Variants in KLHL3 observed in about 807,000 individuals in gnomAD.
The protein encoded by KLHL3 is kelch-like protein 3.
Under a neutral mutation model 70.5 loss-of-function variants are expected in KLHL3, and 19 were observed. That is an observed-to-expected ratio of 0.27 (90% CI 0.19 to 0.40). The LOEUF is 0.40. Among genes scored for constraint, KLHL3 ranks in the 10% least tolerant of loss-of-function variants. The probability of loss-of-function intolerance (pLI) is 1.00; values close to 1 mark genes in which losing one functional copy is unlikely to be tolerated. For missense variants in KLHL3, 512 were observed against 771.1 expected (o/e 0.66, Z 3.98); for synonymous variants, 258 against 290.3 (o/e 0.89, Z 1.13).
intron 12 of KLHL3, among the ~76,000 whole-genome samples, chr5:137,630,738 C>A (rs892914369): frequency 5.3e-5 from 8 of 152,062 alleles, no homozygotes; most frequent in African/African-American, 1.9e-4. Context: ...AATTAGAGGC[C>A]AGAATAAGGG....
rs1351995457 is a variant in KLHL3 at position 137,720,500 on chromosome 5, C to A, written c.99G>T (p.Met33Ile). The change falls in exon 2 of 15, where the codon ATG (methionine) becomes ATT (isoleucine). Residue 33 changes from methionine to isoleucine, a missense_variant. Coordinates refer to ENST00000309755, the MANE Select transcript of KLHL3 (RefSeq NM_017415.3). Reference protein sequence around the residue: ...QRTITVNPAHMGKAFKVMNEL... With the variant: ...QRTITVNPAHIGKAFKVMNEL... Reference sequence around the variant, plus strand: ...CATTCATAACCTTGAATGCTTTCCCCATGTGGGCAGGGTTGACAGTGATCG... The same window carrying A: ...CATTCATAACCTTGAATGCTTTCCCAATGTGGGCAGGGTTGACAGTGATCG... The A allele has an allele frequency of 1.2e-6, 2 of 1,614,004 alleles. No individual in the cohort carries two copies. Among genetic ancestry groups the A allele is most frequent in the Non-Finnish European group, 1.7e-6 (2 of 1,180,010 alleles).
intron 8 of KLHL3, among the ~76,000 whole-genome samples, chr5:137,653,913 T>TA (rs1751274136): frequency 6.6e-6 from 1 of 152,212 alleles, no homozygotes; most frequent in Admixed American, 6.5e-5. Flanking sequence ...TACTTAGTGA[T>TA]AAAAAGGAAT....
chr5:137,674,330 G>T (rs536444846), intron 6 of KLHL3, among the ~76,000 whole-genome samples: 1 of 152,014 alleles, frequency 6.6e-6, no homozygotes, highest in Non-Finnish European at 1.5e-5. Context: ...ACTTGTATAC[G>T]GTACATACAT....
intron 6 of KLHL3, among the ~76,000 whole-genome samples, chr5:137,671,374 T>C (rs1354615599): frequency 6.6e-6 from 1 of 152,160 alleles, no homozygotes; most frequent in Non-Finnish European, 1.5e-5. Context: ...GAACTATAAT[T>C]ATAAGCAATT....
chr5:137,703,343 C>T (rs544028852), intron 3 of KLHL3, among the ~76,000 whole-genome samples: 3 of 152,248 alleles, frequency 2.0e-5, no homozygotes, highest in Admixed American at 6.5e-5. Flanking sequence ...GAACTTTCTT[C>T]CCCCCAACCC....
At chr5:137,635,560 T>C (rs1207013270) in intron 11 of KLHL3, among the ~76,000 whole-genome samples, 4 of 152,214 alleles carry the variant, frequency 2.6e-5, no homozygotes, top group Non-Finnish European at 1.5e-5. Flanking sequence ...TCATTCAAAC[T>C]GTATAGCCAT....
At chr5:137,733,867 T>A (rs1170113783) in intron 1 of KLHL3, among the ~76,000 whole-genome samples, 1 of 152,140 alleles carries the variant, frequency 6.6e-6, no homozygotes, top group African/African-American at 2.4e-5. Context: ...ACGCGTGGCA[T>A]GGTAAGCTGG....
chr5:137,706,508 G>T, intron 3 of KLHL3: 1 of 337,872 alleles, frequency 3.0e-6, no homozygotes, highest in Non-Finnish European at 4.2e-6. Flanking sequence ...TGTCTCAAAA[G>T]TCTTCAAAGT....
chr5:137,673,786 G>A (rs1226835641), intron 6 of KLHL3: 2 of 151,694 alleles, frequency 1.3e-5, no homozygotes, highest in Non-Finnish European at 2.9e-5. Context: ...AGCCCTCAAG[G>A]CATCTGAGGG....
chr5:137,690,358 G>A (rs1752289474), intron 5 of KLHL3, among the ~76,000 whole-genome samples: 1 of 151,208 alleles, frequency 6.6e-6, no homozygotes, highest in Admixed American at 6.6e-5. Context: ...CAGAGAAAAT[G>A]CTTGCCTTAG....
chr5:137,648,630 C>T (rs1014414667), intron 8 of KLHL3, among the ~76,000 whole-genome samples: 7 of 152,172 alleles, frequency 4.6e-5, no homozygotes, highest in South Asian at 2.1e-4. Flanking sequence ...TTAGCTGTTC[C>T]GGCTGGGATG....
rs761459476 is a variant in KLHL3, at chr5:137,716,603, T to C, written c.134+3862A>G. On this transcript the variant is annotated intron_variant, in intron 2 of 14. Coordinates refer to ENST00000309755, the MANE Select transcript of KLHL3 (RefSeq NM_017415.3). ...ATGAATATTTATGAAAGGAGAAACATGCACATGTGCAATTGAGGTTCTTGC... is the reference window on the plus strand; with the variant it reads ...ATGAATATTTATGAAAGGAGAAACACGCACATGTGCAATTGAGGTTCTTGC... Among the ~76,000 whole-genome samples, 8 of 152,304 alleles carry C rather than the reference T, an allele frequency of 5.3e-5. No individual in the cohort carries two copies. In the Middle Eastern group the frequency reaches 0.014, roughly 259 times the overall value.
At chr5:137,675,020 A>G (rs530324116) in intron 6 of KLHL3, among the ~76,000 whole-genome samples, 2 of 152,250 alleles carry the variant, frequency 1.3e-5, no homozygotes, top group Non-Finnish European at 2.9e-5. Flanking sequence ...ACCAAGCCCC[A>G]CTATTCTTTA....
At chr5:137,728,787 C>T (rs1053819727) in intron 1 of KLHL3, among the ~76,000 whole-genome samples, 5 of 151,848 alleles carry the variant, frequency 3.3e-5, no homozygotes, top group African/African-American at 1.2e-4. Context: ...TGAGAACTCA[C>T]GGACACAAAG....
At chr5:137,629,638 G>T (rs1561581993) in intron 12 of KLHL3, 1 of 152,256 alleles carries the variant, frequency 6.6e-6, no homozygotes, top group Non-Finnish European at 1.5e-5. Context: ...GTTCTCAAGA[G>T]ATATTGCTTG....
chr5:137,697,941 C>T (rs1580770569), intron 4 of KLHL3, among the ~76,000 whole-genome samples: 2 of 152,314 alleles, frequency 1.3e-5, no homozygotes, highest in African/African-American at 4.8e-5. Flanking sequence ...TGAGATGAGA[C>T]GATGACCTGG....
At position 137,620,194 on chromosome 5, in the gene KLHL3, G is replaced by A. The variant is rs555122000; in HGVS notation, c.*1904C>T. The A allele has an allele frequency of 1.2e-4, 18 of 152,204 alleles. No individual in the cohort carries two copies. The highest frequency in any genetic ancestry group is 2.5e-4 in the Non-Finnish European group (17 of 68,052). 9.4% of individuals were successfully genotyped at this position (152,204 alleles called of 1,614,324 possible). On this transcript the variant is annotated 3_prime_UTR_variant, in exon 15 of 15. Coordinates refer to ENST00000309755, the MANE Select transcript of KLHL3 (RefSeq NM_017415.3). Reference sequence around the variant, plus strand: ...ATTTCTTCCAGGTCCCCCAAAGCTGGATATTTTAGCCTCTTCTGAAGGCTT... The same window carrying A: ...ATTTCTTCCAGGTCCCCCAAAGCTGAATATTTTAGCCTCTTCTGAAGGCTT...
intron 6 of KLHL3, among the ~76,000 whole-genome samples, chr5:137,670,181 G>C (rs1252653920): frequency 6.6e-6 from 1 of 152,098 alleles, no homozygotes; most frequent in African/African-American, 2.4e-5. Flanking sequence ...AGTTTGAACT[G>C]ACATCACCCA....
rs755871279 is a variant in KLHL3, at chr5:137,638,935, AAC to A, written c.1219+16_1219+17del. The A allele has an allele frequency of 9.9e-6, 16 of 1,609,908 alleles. No individual in the cohort carries two copies. The African/African-American group carries it at 2.1e-4, about 22-fold the overall frequency. On this transcript the variant is annotated intron_variant, in intron 10 of 14. Coordinates refer to ENST00000309755, the MANE Select transcript of KLHL3 (RefSeq NM_017415.3). Reference sequence around the variant, plus strand: ...GTGTCCCAGGCTAGGAGGGGTTGGGAACACACCCTAAACCTACCAGTACTGCC... The same window carrying A: ...GTGTCCCAGGCTAGGAGGGGTTGGGAACACCCTAAACCTACCAGTACTGCC...
Sources: gnomAD v4.1 joint callset for allele counts (sites outside exome capture counted in the v4.1 genomes callset) on GRCh38, gnomAD v4.1.1 for gene constraint, MANE v1.5 for transcripts, NCBI Gene and HGNC (gene_info 2026-07-23, HGNC 2026-07-21) for gene names.